PCGF5: variants seen among roughly 807,000 people sequenced by gnomAD.
PCGF5 encodes the protein polycomb group ring finger 5, also known as polycomb group RING finger protein 5.
A neutral mutation model predicts 44.3 loss-of-function variants in PCGF5; 9 were observed. That is an observed-to-expected ratio of 0.20 (90% CI 0.12 to 0.35). The LOEUF is 0.35. Among genes scored for constraint, PCGF5 ranks in the 10% least tolerant of loss-of-function variants. The probability of loss-of-function intolerance (pLI) is 1.00; values close to 1 mark genes in which losing one functional copy is unlikely to be tolerated. For missense variants in PCGF5, 146 were observed against 305.3 expected (o/e 0.48, Z 3.89); for synonymous variants, 95 against 102.5 (o/e 0.93, Z 0.44).
intron 7 of PCGF5, among the ~76,000 whole-genome samples, chr10:91,263,010 G>A (rs188940281): frequency 9.2e-5 from 14 of 152,128 alleles, no homozygotes; most frequent in East Asian, 3.9e-4. Context: ...TATATATTTC[G>A]CTATAAACAA....
intron 1 of PCGF5, among the ~76,000 whole-genome samples, chr10:91,175,206 G>GT (rs1317745401): frequency 2.6e-5 from 4 of 152,142 alleles, no homozygotes; most frequent in African/African-American, 7.2e-5. Context: ...GACTGGACAT[G>GT]TTTTTTCTGA....
chr10:91,275,970 A>G (rs1048317618), intron 9 of PCGF5, among the ~76,000 whole-genome samples: 8 of 152,196 alleles, frequency 5.3e-5, no homozygotes, highest in Non-Finnish European at 8.8e-5. Context: ...GTTCATTTCT[A>G]TAACAGCATA....
At chr10:91,221,419 G>C (rs7078260) in intron 1 of PCGF5, among the ~76,000 whole-genome samples, 152,350 of 152,350 alleles carry the variant, frequency 1, 76,175 homozygotes, top group Non-Finnish European at 1. Flanking sequence ...ATATGAAACG[G>C]TTTGCTGAAG....
At chr10:91,278,052 C>G (rs1284670351) in intron 9 of PCGF5, among the ~76,000 whole-genome samples, 1 of 152,084 alleles carries the variant, frequency 6.6e-6, no homozygotes, top group Admixed American at 6.6e-5. Flanking sequence ...TGAACTTGAC[C>G]TCTGCTGCAT....
chr10:91,277,937 C>T (rs1338967437), intron 9 of PCGF5, among the ~76,000 whole-genome samples: 1 of 152,040 alleles, frequency 6.6e-6, no homozygotes, highest in Non-Finnish European at 1.5e-5. Flanking sequence ...AACTGAATGC[C>T]TATAAGCAGG....
chr10:91,245,712 G>A (rs1845443287), intron 3 of PCGF5, among the ~76,000 whole-genome samples: 2 of 152,114 alleles, frequency 1.3e-5, no homozygotes, highest in South Asian at 4.1e-4. Context: ...AGTACATGGT[G>A]CAGATGCTAT....
At chr10:91,222,619 A>G (rs2133280409) in intron 1 of PCGF5, 70 bp from the exon 2 acceptor site, 2 of 487,120 alleles carry the variant, frequency 4.1e-6, no homozygotes, top group Non-Finnish European at 7.2e-6. Context: ...TGTTAATAGA[A>G]TGACATTAAT....
intron 1 of PCGF5, among the ~76,000 whole-genome samples, chr10:91,166,964 G>A (rs12255656): frequency 0.017 from 2,516 of 152,144 alleles, 79 homozygotes; most frequent in African/African-American, 0.058. Context: ...TTTTTCAATC[G>A]GAGAATAGGT....
At chr10:91,255,680 G>A (rs1355623567) in intron 6 of PCGF5, among the ~76,000 whole-genome samples, 2 of 152,020 alleles carry the variant, frequency 1.3e-5, no homozygotes, top group South Asian at 2.1e-4. Context: ...TGAAGAGCAG[G>A]CAGGAATCTG....
chr10:91,211,380 AGT>A (rs1281812625), intron 1 of PCGF5, among the ~76,000 whole-genome samples: 2 of 152,188 alleles, frequency 1.3e-5, no homozygotes, highest in African/African-American at 4.8e-5. Flanking sequence ...TCTCCATGAC[AGT>A]GTGCTGTGTT....
intron 1 of PCGF5, among the ~76,000 whole-genome samples, chr10:91,180,239 A>T (rs1221201700): frequency 6.6e-6 from 1 of 152,060 alleles, no homozygotes; most frequent in African/African-American, 2.4e-5. Flanking sequence ...TAGATGCTGG[A>T]TATTAGACAT....
At chr10:91,160,411 C>A (rs1166147913), upstream of PCGF5, among the ~76,000 whole-genome samples, 1 of 152,120 alleles carries the variant, frequency 6.6e-6, no homozygotes, top group Admixed American at 6.5e-5. Flanking sequence ...TTGTGACAGG[C>A]AATAGCAAAG....
chr10:91,257,045 A>G (rs1845770270), intron 6 of PCGF5, among the ~76,000 whole-genome samples: 1 of 152,152 alleles, frequency 6.6e-6, no homozygotes, highest in African/African-American at 2.4e-5. Context: ...ACGGGAAAAA[A>G]TATTTGCAAA....
At chr10:91,259,016 T>C (rs2133404570) in intron 6 of PCGF5, among the ~76,000 whole-genome samples, 1 of 152,304 alleles carries the variant, frequency 6.6e-6, no homozygotes, top group South Asian at 2.1e-4. Flanking sequence ...TTCTGATAAC[T>C]TTTGAGGTTG....
At chr10:91,210,907 AT>A (rs1330436290) in intron 1 of PCGF5, among the ~76,000 whole-genome samples, 1 of 152,140 alleles carries the variant, frequency 6.6e-6, no homozygotes, top group Non-Finnish European at 1.5e-5. Flanking sequence ...AGAATATCTC[AT>A]TTTTTCAGAC....
chr10:91,236,003 A>G (rs1019609701), intron 2 of PCGF5, among the ~76,000 whole-genome samples: 2 of 152,222 alleles, frequency 1.3e-5, no homozygotes, highest in African/African-American at 2.4e-5. Context: ...ACTTGAGCCC[A>G]GGAGTTTGAG....
At chr10:91,236,897 C>T (rs1845180597) in intron 2 of PCGF5, among the ~76,000 whole-genome samples, 2 of 152,058 alleles carry the variant, frequency 1.3e-5, no homozygotes, top group African/African-American at 4.8e-5. Context: ...GAAAAGGGCT[C>T]TATACAGTTT....
chr10:91,273,186 C>T (rs2631681), intron 9 of PCGF5, among the ~76,000 whole-genome samples: 60,275 of 152,010 alleles, frequency 0.4, 13,988 homozygotes, highest in African/African-American at 0.64. Context: ...ATTCTTCTCT[C>T]TATGCAGATA....
rs1261440600 is a variant in PCGF5 at position 91,227,479 on chromosome 10, C to T, written c.112+4496C>T. On this transcript the variant is annotated intron_variant, in intron 2 of 9. Coordinates refer to ENST00000336126, the MANE Select transcript of PCGF5 (RefSeq NM_032373.5). Reference sequence around the variant, plus strand: ...ATGCTTGACTCTTTACCCTCACTAACAAAACTGGGCAAAGTCCTGCTGGTC... The same window carrying T: ...ATGCTTGACTCTTTACCCTCACTAATAAAACTGGGCAAAGTCCTGCTGGTC... 3.1e-6 allele frequency: 4 copies of T among 1,279,928 alleles called. No homozygotes were observed. The African/African-American group carries it at 6.1e-5, about 20-fold the overall frequency. The allele number at this position is 1,279,928 out of a possible 1,614,324, so 79.3% of individuals were successfully genotyped here.
Sources: gnomAD v4.1 joint callset for allele counts (sites outside exome capture counted in the v4.1 genomes callset) on GRCh38, gnomAD v4.1.1 for gene constraint, MANE v1.5 for transcripts, NCBI Gene and HGNC (gene_info 2026-07-23, HGNC 2026-07-21) for gene names.